Variants in ZNF675 observed in about 807,000 individuals in gnomAD.
The protein encoded by ZNF675 is TRAF6 inhibitory zinc finger.
In ZNF675, 36 loss-of-function variants were observed where a neutral mutation model predicts 56.1. That is an observed-to-expected ratio of 0.64 (90% confidence interval 0.49 to 0.85). ZNF675 has a LOEUF of 0.85. Ranked by LOEUF, ZNF675 falls within the 40% of genes least tolerant of loss-of-function variation. ZNF675 has a pLI of 0.00. For missense variants in ZNF675, 663 were observed against 654.2 expected, an observed-to-expected ratio of 1.01 and a Z score of -0.15; for synonymous variants, 200 against 218.9, an observed-to-expected ratio of 0.91 and a Z score of 0.76.
At chr19:23,655,485 T>G (rs1469241847) in intron 3 of ZNF675, 2 of 148,010 alleles carry the variant, frequency 1.4e-5, no homozygotes, top group African/African-American at 4.9e-5. Context: ...AGCCAGGTTT[T>G]CTTTTTTTTT....
chr19:23,670,639 T>A (rs1039865450), intron 1 of ZNF675, among the ~76,000 whole-genome samples: 7 of 152,024 alleles, frequency 4.6e-5, no homozygotes, highest in African/African-American at 1.7e-4. Context: ...TATTGAACTC[T>A]CTCTCCAGCC....
In ZNF675 at chr19:23,687,088, A is replaced by G; in HGVS notation, c.-55T>C. Reference sequence around the variant, plus strand: ...TAGCTGTGGATCTCTCAATTTCTGCAGGTCACAGGCCCACAGAGGCTGGAC... The same window carrying G: ...TAGCTGTGGATCTCTCAATTTCTGCGGGTCACAGGCCCACAGAGGCTGGAC... On this transcript the variant is annotated 5_prime_UTR_variant, in exon 1 of 4. Coordinates refer to ENST00000359788, the MANE Select transcript of ZNF675 (RefSeq NM_138330.3). 1 of 1,609,462 alleles carries G rather than the reference A, an allele frequency of 6.2e-7. No homozygotes were observed. The highest frequency in any genetic ancestry group is 8.5e-7 in the Non-Finnish European group (1 of 1,176,440).
At chr19:23,656,782 TTAG>T (rs1208692575) in intron 3 of ZNF675, 3 of 492 alleles carry the variant, frequency 6.1e-3, no homozygotes, top group Non-Finnish European at 0.038. Flanking sequence ...GATATCTTAA[TTAG>T]TCACACTCAT....
intron 1 of ZNF675, among the ~76,000 whole-genome samples, chr19:23,679,166 C>CAA (rs33936196): frequency 0.41 from 40,668 of 99,220 alleles, 10,838 homozygotes; most frequent in East Asian, 0.74. Flanking sequence ...GACTCCGTCT[C>CAA]AAAAAAAAAA....
At chr19:23,684,380 C>T (rs555237991) in intron 1 of ZNF675, among the ~76,000 whole-genome samples, 2 of 152,240 alleles carry the variant, frequency 1.3e-5, no homozygotes, top group South Asian at 4.1e-4. Flanking sequence ...GGCAGTGGCT[C>T]ATGCCTGTAA....
chr19:23,664,101 G>GA (rs1443727573), intron 1 of ZNF675, among the ~76,000 whole-genome samples: 1 of 151,842 alleles, frequency 6.6e-6, no homozygotes, highest in Non-Finnish European at 1.5e-5. Context: ...TCATTAGGGA[G>GA]AAAAAACCCA....
At chr19:23,658,634 T>C (rs1968020549) in intron 3 of ZNF675, 1 of 152,028 alleles carries the variant, frequency 6.6e-6, no homozygotes, top group Middle Eastern at 3.4e-3. Flanking sequence ...AAGCAGAGAT[T>C]GTACCACTGA....
At chr19:23,658,685 A>G (rs999056094) in intron 3 of ZNF675, 1 of 151,722 alleles carries the variant, frequency 6.6e-6, no homozygotes, top group Non-Finnish European at 1.5e-5. Context: ...GTCTCAAAAA[A>G]AAGACAGAAA....
rs1376542802 is a variant in ZNF675 at position 23,653,774 on chromosome 19, T to C, written c.1159A>G (p.Arg387Gly). ...FNRSSNLTEHRKIHTEEKPYK... is the reference protein window; with the variant it reads ...FNRSSNLTEHGKIHTEEKPYK... ...GGTTTCTCTTCGGTATGAATTTTCC[T>C]ATGTTCCGTAAGATTTGAGGATCGG... Residue 387 changes from arginine to glycine, a missense_variant, in exon 4 of 4, where the codon AGG becomes GGG. By Grantham distance (125) the Arg-to-Gly change is moderately radical (BLOSUM62 -2). Coordinates refer to ENST00000359788, the MANE Select transcript of ZNF675 (RefSeq NM_138330.3). 1 of 1,614,006 alleles carries C rather than the reference T, an allele frequency of 6.2e-7. No individual in the cohort carries two copies. The highest frequency in any genetic ancestry group is 1.1e-5 in the South Asian group (1 of 91,072).
At position 23,654,422 on chromosome 19, in the gene ZNF675, G is replaced by C; in HGVS notation, c.511C>G (p.Pro171Ala). ...RHKIKHMENK[P>A]FKCKECGRSF... ...CTGCCACATTCTTTACATTTGAAAG[G>C]TTTATTTTCCATATGTTTTATCTTA... Residue 171 changes from proline to alanine, a missense_variant, in exon 4 of 4, where the codon CCT (proline) becomes GCT (alanine). Physicochemically the swap from Pro to Ala is conservative, Grantham distance 27 (BLOSUM62 -1). Coordinates refer to ENST00000359788, the MANE Select transcript of ZNF675 (RefSeq NM_138330.3). 6.2e-7 allele frequency: 1 copy of C among 1,610,108 alleles called. No homozygotes were observed. The highest frequency in any genetic ancestry group is 8.5e-7 in the Non-Finnish European group (1 of 1,177,780).
At chr19:23,663,478 G>C (rs1968108919) in intron 1 of ZNF675, among the ~76,000 whole-genome samples, 1 of 152,270 alleles carries the variant, frequency 6.6e-6, no homozygotes, top group East Asian at 1.9e-4. Flanking sequence ...GATTACCTGA[G>C]GTCGGGAGTT....
chr19:23,671,131 T>TA (rs1357225537), intron 1 of ZNF675, among the ~76,000 whole-genome samples: 5 of 152,064 alleles, frequency 3.3e-5, no homozygotes, highest in Non-Finnish European at 7.4e-5. Context: ...AGGAAGCCTT[T>TA]AAAAAAATAT....
At chr19:23,668,105 A>C (rs1389813667) in intron 1 of ZNF675, among the ~76,000 whole-genome samples, 2 of 149,406 alleles carry the variant, frequency 1.3e-5, no homozygotes, top group East Asian at 4.0e-4. Flanking sequence ...AGCTAGATAC[A>C]GTGTCAACTG....
At position 23,677,045 on chromosome 19, in the gene ZNF675, C is replaced by T. The variant is rs1968306017; in HGVS notation, c.3+9986G>A. ...TGAGCCGAGATTGCGCCACTGCATC[C>T]CAGCCTGGGCAACAGTGCAAGACTG... On this transcript the variant is annotated intron_variant, in intron 1 of 3. Transcript: ENST00000359788. Among the ~76,000 whole-genome samples the T allele has an allele frequency of 2.1e-5, 3 of 145,488 alleles. No homozygotes were observed. The Admixed American group carries it at 2.1e-4, about 10-fold the overall frequency.
At chr19:23,684,831 CTTTTT>C (rs79601437) in intron 1 of ZNF675, among the ~76,000 whole-genome samples, 1 of 151,878 alleles carries the variant, frequency 6.6e-6, no homozygotes, top group Non-Finnish European at 1.5e-5. Flanking sequence ...ACTGAGGTCA[CTTTTT>C]TTTGTCTTTT....
intron 1 of ZNF675, among the ~76,000 whole-genome samples, chr19:23,683,078 A>G (rs1246285620): frequency 6.6e-6 from 1 of 151,036 alleles, no homozygotes; most frequent in Non-Finnish European, 1.5e-5. Context: ...AATCCCAGCT[A>G]CTCGGGTGGC....
chr19:23,675,014 T>C (rs545030653), intron 1 of ZNF675, among the ~76,000 whole-genome samples: 1 of 151,238 alleles, frequency 6.6e-6, no homozygotes, highest in Non-Finnish European at 1.5e-5. Flanking sequence ...TATTTCTAAC[T>C]TAAATTTTCT....
At chr19:23,668,246 C>G (rs1373461895) in intron 1 of ZNF675, among the ~76,000 whole-genome samples, 3 of 151,294 alleles carry the variant, frequency 2.0e-5, no homozygotes, top group Non-Finnish European at 2.9e-5. Context: ...CAAGGCCCCA[C>G]CAAAGCAGCT....
At chr19:23,679,647 AT>A (rs1968349018) in intron 1 of ZNF675, among the ~76,000 whole-genome samples, 1 of 134,672 alleles carries the variant, frequency 7.4e-6, no homozygotes, top group Non-Finnish European at 1.5e-5. Context: ...AGAATCCATA[AT>A]GAACTTAAAT....
Sources: allele counts gnomAD v4.1 joint callset (sites outside exome capture counted in the v4.1 genomes callset), GRCh38; gene constraint gnomAD v4.1.1; transcripts MANE v1.5; gene names NCBI Gene and HGNC (gene_info 2026-07-23, HGNC 2026-07-21).